The following ACSL6 variants were observed in gnomAD, a reference collection of about 807,000 sequenced individuals.
ACSL6 encodes the protein acyl-CoA synthetase long chain family member 6.
A neutral mutation model predicts 98.2 loss-of-function variants in ACSL6; 47 were observed. The observed-to-expected ratio is 0.48, with a 90% CI of 0.38 to 0.61. The LOEUF is 0.61. ACSL6 is among the 20% of genes least tolerant of loss of function. The probability of loss-of-function intolerance (pLI) is 0.00; values close to 1 mark genes in which losing one functional copy is unlikely to be tolerated. For synonymous variants in ACSL6, 362 were observed against 336.9 expected (o/e 1.07, Z -0.82); for missense variants, 761 against 913.4 (o/e 0.83, Z 2.15).
intron 14 of ACSL6, 91 bp from the exon 15 acceptor site, chr5:131,970,291 C>T (rs373669993): frequency 8.1e-5 from 94 of 1,157,798 alleles, no homozygotes; most frequent in South Asian, 5.9e-4. Flanking sequence ...TCCCACTGAG[C>T]GTGTCTGACT....
chr5:131,991,603 CG>C (rs913137327), intron 2 of ACSL6, among the ~76,000 whole-genome samples: 4 of 152,092 alleles, frequency 2.6e-5, no homozygotes, highest in African/African-American at 9.7e-5. Flanking sequence ...CAAAGTGGCA[CG>C]GGTGCAGAGT....
intron 15 of ACSL6, 61 bp downstream of exon 15, chr5:131,970,067 G>A: frequency 6.7e-7 from 1 of 1,493,714 alleles, no homozygotes; most frequent in South Asian, 1.1e-5. Context: ...GAGTTTTAGA[G>A]CTGGCTGCTT....
intron 15 of ACSL6, chr5:131,968,290 A>G (rs1753125972): frequency 2.5e-6 from 1 of 398,288 alleles, no homozygotes; most frequent in Non-Finnish European, 4.6e-6. Context: ...CCCAGCACCA[A>G]CGTGCACAGG....
Position 131,951,576 on chromosome 5 carries a change from T to C in ACSL6, c.*2658A>G, listed in dbSNP as rs1468890673. The C allele has an allele frequency of 6.2e-5, 11 of 176,322 alleles. No homozygotes were observed. In the East Asian group the frequency reaches 7.7e-4, roughly 12 times the overall value. 10.9% of individuals were successfully genotyped at this position (176,322 alleles called of 1,614,324 possible). A position where few individuals can be genotyped will look rare whatever the true frequency, so the allele number is the denominator to read the frequency against. The stretch of plus-strand genomic sequence containing the variant: ...TAAGTGGCAAAAAGAAGAAACCTTG[T>C]TTTTGTTTTTTTTTTTTCTTTCTTT... On this transcript the variant is annotated 3_prime_UTR_variant, in exon 21 of 21. Coordinates refer to ENST00000651883, the MANE Select transcript of ACSL6 (RefSeq NM_001009185.3).
At chr5:131,990,774 A>G (rs1480819425) in intron 3 of ACSL6, 79 bp downstream of exon 3, 4 of 1,341,076 alleles carry the variant, frequency 3.0e-6, no homozygotes, top group Admixed American at 3.5e-5. Context: ...CCCTGGTATC[A>G]TGCTTGCATA....
intron 18 of ACSL6, among the ~76,000 whole-genome samples, chr5:131,961,922 C>T (rs1477528872): frequency 6.6e-6 from 1 of 152,044 alleles, no homozygotes; most frequent in Non-Finnish European, 1.5e-5. Flanking sequence ...CCTCTAATCC[C>T]AGCACTCTGG....
chr5:131,962,444 G>C, intron 18 of ACSL6, 91 bp downstream of exon 18: 1 of 1,425,450 alleles, frequency 7.0e-7, no homozygotes, highest in Admixed American at 2.2e-5. Context: ...ATGCGGAGGA[G>C]AATCCTGGTG....
chr5:131,976,079 A>T, intron 10 of ACSL6: 1 of 985,494 alleles, frequency 1.0e-6, no homozygotes, highest in Non-Finnish European at 1.2e-6. Context: ...ACTGCAGGAC[A>T]TACTCACCAC....
chr5:132,008,000 G>A lies in ACSL6; in HGVS notation c.49+3505C>T, dbSNP rs775780625. On this transcript the variant is annotated intron_variant, in intron 1 of 20. Transcript: ENST00000651883. ...CACAAGGGACAGAACAATAGCTGGA[G>A]AGCATAATGACTGGGTTCTGCTGCC... Among the ~76,000 whole-genome samples, 31 of 152,326 alleles carry A rather than the reference G, an allele frequency of 2.0e-4. 1 individual carries two copies. The South Asian group carries it at 2.3e-3, about 11-fold the overall frequency.
Position 131,954,313 on chromosome 5 carries a change from G to C in ACSL6, c.2090C>G (p.Pro697Arg). The stretch of plus-strand genomic sequence containing the variant: ...CTCAGGTCTCTTAGCTTTTAGTGTT[G>C]GTGTCAGCAAGCCATTTTGAACTGA... ...MFSVQNGLLT[P>R]TLKAKRPELR... Residue 697 changes from proline (P) to arginine (R), a missense_variant, in exon 21 of 21, where the codon CCA (proline) becomes CGA (arginine). Coordinates refer to ENST00000651883, the MANE Select transcript of ACSL6 (RefSeq NM_001009185.3). 6.2e-7 allele frequency: 1 copy of C among 1,613,838 alleles called. No homozygotes were observed. Among genetic ancestry groups the C allele is most frequent in the Non-Finnish European group, 8.5e-7 (1 of 1,179,928 alleles).
At chr5:131,970,068 C>T in intron 15 of ACSL6, 60 bp downstream of exon 15, 1 of 1,504,630 alleles carries the variant, frequency 6.6e-7, no homozygotes, top group Non-Finnish European at 9.2e-7. Context: ...AGTTTTAGAG[C>T]TGGCTGCTTT....
intron 1 of ACSL6, among the ~76,000 whole-genome samples, chr5:132,010,799 T>C (rs574621334): frequency 6.6e-6 from 1 of 152,134 alleles, no homozygotes; most frequent in Admixed American, 6.5e-5. Flanking sequence ...AAAGGGCCTG[T>C]GGTGAGACTC....
chr5:131,990,914 G>C lies in ACSL6; in HGVS notation c.324C>G (p.Thr108=). 2 of 1,613,992 alleles carry C rather than the reference G, an allele frequency of 1.2e-6. No individual in the cohort carries two copies. Among genetic ancestry groups the C allele is most frequent in the Non-Finnish European group, 1.7e-6 (2 of 1,180,008 alleles). ...TGGTCCGGGCATCATCATAGTAGTG[G>C]GTAAGTAGCTGAGGGCCAGACCCAA... ...SVIGSGPQLL[T]HYYDDARTMY... is the part of the protein sequence containing the mutation. Residue 108 remains threonine, a synonymous_variant, in exon 3 of 21, where the codon ACC becomes ACG. Coordinates refer to ENST00000651883, the MANE Select transcript of ACSL6 (RefSeq NM_001009185.3).
chr5:131,950,474 T>C lies in ACSL6; in HGVS notation c.*3760A>G, dbSNP rs1752100943. 4.9e-6 allele frequency: 1 copy of C among 204,110 alleles called. No individual in the cohort carries two copies. The highest frequency in any genetic ancestry group is 2.3e-5 in the African/African-American group (1 of 43,740). The allele number at this position is 204,110 out of a possible 1,614,324, so 12.6% of individuals were successfully genotyped here. A position where few individuals can be genotyped will look rare whatever the true frequency, so the allele number is the denominator to read the frequency against. ...ATACTTGAGAGGAAATTCAGACTAC[T>C]AGGATCCTTTTTTCTTTTCATGTAA... On this transcript the variant is annotated 3_prime_UTR_variant, in exon 21 of 21. Coordinates refer to ENST00000651883, the MANE Select transcript of ACSL6 (RefSeq NM_001009185.3).
intron 1 of ACSL6, among the ~76,000 whole-genome samples, chr5:131,998,010 A>T (rs971194008): frequency 6.6e-6 from 1 of 152,188 alleles, no homozygotes; most frequent in Non-Finnish European, 1.5e-5. Flanking sequence ...GGCAGAGCCT[A>T]GGCCTTGGAG....
chr5:132,004,009 A>G lies in ACSL6; in HGVS notation c.49+7496T>C, dbSNP rs559868108. On this transcript the variant is annotated intron_variant, in intron 1 of 20. Coordinates refer to ENST00000651883, the MANE Select transcript of ACSL6 (RefSeq NM_001009185.3). ...AATGGGAAGAAAAAAGTGCTGGTAC[A>G]CAAGAAGACCCTGCAGTGCACAGAG... 1.6e-3 allele frequency among the ~76,000 whole-genome samples: 239 copies of G among 152,322 alleles called. 1 individual carries two copies. The highest frequency in any genetic ancestry group is 5.6e-3 in the African/African-American group (234 of 41,580).
chr5:131,999,810 C>T (rs1223496651), intron 1 of ACSL6, among the ~76,000 whole-genome samples: 1 of 152,220 alleles, frequency 6.6e-6, no homozygotes, highest in African/African-American at 2.4e-5. Context: ...TTAACCCTCA[C>T]CCTGCCAGCG....
rs768396953 is a variant in ACSL6, at chr5:131,970,243, C to T, written c.1435-43G>A. 4 of 1,594,922 alleles carry T rather than the reference C, an allele frequency of 2.5e-6. No homozygotes were observed. The South Asian group carries it at 4.4e-5, about 18-fold the overall frequency. On this transcript the variant is annotated intron_variant, in intron 14 of 20. Transcript: ENST00000651883. ...AAGCCACACTATGGGCACACACCCT[C>T]CAAGAGCTAACTGGCCACCCCTTCC...
rs1177989259 is a variant in ACSL6, at chr5:131,956,535, G to C, written c.2032-2164C>G. 2.0e-5 allele frequency among the ~76,000 whole-genome samples: 3 copies of C among 152,134 alleles called. No homozygotes were observed. In the South Asian group the frequency reaches 6.2e-4, roughly 31 times the overall value. On this transcript the variant is annotated intron_variant, in intron 20 of 20. Coordinates refer to ENST00000651883, the MANE Select transcript of ACSL6 (RefSeq NM_001009185.3). ...ACTGCTGCTAGGCTGCCAGTCCCTG[G>C]TCTGGTCTGACCTACAGCCCTTGGA...
Sources: allele counts gnomAD v4.1 joint callset (sites outside exome capture counted in the v4.1 genomes callset), GRCh38; gene constraint gnomAD v4.1.1; transcripts MANE v1.5; gene names NCBI Gene and HGNC (gene_info 2026-07-23, HGNC 2026-07-21).